NRXN1: variants seen among roughly 807,000 people sequenced by gnomAD.
NRXN1 encodes neurexin-1.
NRXN1 carries 39 observed loss-of-function variants against 150.9 expected under a neutral mutation model. The observed-to-expected ratio is 0.26, with a 90% CI of 0.20 to 0.34. The LOEUF is 0.34. Among genes scored for constraint, NRXN1 ranks in the 10% least tolerant of loss-of-function variants. The pLI is 1.00. For missense variants in NRXN1, 1,815 were observed against 1,949.9 expected, an observed-to-expected ratio of 0.93 and a Z score of 1.30; for synonymous variants, 924 against 757.0, an observed-to-expected ratio of 1.22 and a Z score of -3.62.
At chr2:50,453,592 A>G (rs897481784) in intron 17 of NRXN1, among the ~76,000 whole-genome samples, 1 of 152,186 alleles carries the variant, frequency 6.6e-6, no homozygotes, top group South Asian at 2.1e-4. Context: ...ACGCAAACTA[A>G]GTCTCTTGTT....
chr2:50,116,724 C>G (rs1188591608), intron 18 of NRXN1, among the ~76,000 whole-genome samples: 1 of 152,042 alleles, frequency 6.6e-6, no homozygotes, highest in African/African-American at 2.4e-5. Context: ...GTGACACTGT[C>G]AATTTAAAAC....
At chr2:50,313,079 G>A (rs1372756278) in intron 17 of NRXN1, among the ~76,000 whole-genome samples, 1 of 152,042 alleles carries the variant, frequency 6.6e-6, no homozygotes, top group Non-Finnish European at 1.5e-5. Flanking sequence ...ATCAAGAAGA[G>A]AGTGATATTT....
At chr2:50,852,943 G>A (rs1411401258) in intron 5 of NRXN1, among the ~76,000 whole-genome samples, 1 of 152,066 alleles carries the variant, frequency 6.6e-6, no homozygotes, top group Non-Finnish European at 1.5e-5. Flanking sequence ...AAAATATTGT[G>A]CTAAGAAGCA....
intron 5 of NRXN1, among the ~76,000 whole-genome samples, chr2:50,718,281 G>A (rs1477680490): frequency 6.6e-6 from 1 of 152,082 alleles, no homozygotes; most frequent in Non-Finnish European, 1.5e-5. Flanking sequence ...ATAAGTGCAT[G>A]AGTATGGGAG....
intron 5 of NRXN1, among the ~76,000 whole-genome samples, chr2:50,804,159 T>G (rs1667213478): frequency 6.6e-6 from 1 of 152,156 alleles, no homozygotes; most frequent in South Asian, 2.1e-4. Context: ...TAGACATGAT[T>G]ACCAATTATA....
chr2:50,038,582 C>T (rs1294968448), intron 21 of NRXN1, among the ~76,000 whole-genome samples: 2 of 152,166 alleles, frequency 1.3e-5, no homozygotes, highest in Non-Finnish European at 2.9e-5. Flanking sequence ...GAGCCACAGG[C>T]ACCCAGCTAA....
chr2:49,921,830 A>G lies in NRXN1; in HGVS notation c.*114T>C. 9.7e-7 allele frequency: 1 copy of G among 1,034,100 alleles called. No homozygotes were observed. The highest frequency in any genetic ancestry group is 1.4e-6 in the Non-Finnish European group (1 of 706,674). The allele number at this position is 1,034,100 out of a possible 1,614,324, so 64.1% of individuals were successfully genotyped here. ...TAAAAAGTCTTTCCTTCCTGATTGC[A>G]TTCCCTGTCTTCTTTTGTATGTGCT... On this transcript the variant is annotated 3_prime_UTR_variant, in exon 23 of 23. Coordinates refer to ENST00000401669, the MANE Select transcript of NRXN1 (RefSeq NM_001330078.2).
intron 5 of NRXN1, among the ~76,000 whole-genome samples, chr2:50,638,369 T>C (rs1324045560): frequency 6.6e-6 from 1 of 152,168 alleles, no homozygotes; most frequent in African/African-American, 2.4e-5. Context: ...ATGGGCCTTC[T>C]CTCACCTTAT....
intron 15 of NRXN1, among the ~76,000 whole-genome samples, chr2:50,482,502 A>C (rs909528404): frequency 3.3e-5 from 5 of 151,848 alleles, no homozygotes; most frequent in Admixed American, 3.3e-4. Flanking sequence ...TCCATGTTTC[A>C]TTTTTTTTAC....
At chr2:50,239,283 A>ATT (rs2065765789) in intron 17 of NRXN1, among the ~76,000 whole-genome samples, 1 of 151,792 alleles carries the variant, frequency 6.6e-6, no homozygotes, top group Admixed American at 6.6e-5. Flanking sequence ...CTGATACTTA[A>ATT]TAATTAATTT....
At chr2:50,278,020 G>T (rs1210381861) in intron 17 of NRXN1, among the ~76,000 whole-genome samples, 1 of 147,898 alleles carries the variant, frequency 6.8e-6, no homozygotes, top group Non-Finnish European at 1.5e-5. Context: ...ATTGGCCAAA[G>T]ACATTGACCA....
intron 5 of NRXN1, among the ~76,000 whole-genome samples, chr2:50,736,501 T>A (rs1284902225): frequency 6.6e-6 from 1 of 152,102 alleles, no homozygotes; most frequent in African/African-American, 2.4e-5. Flanking sequence ...GAATTGCAGC[T>A]CCCATAATTC....
At chr2:50,252,194 T>A (rs1413979587) in intron 17 of NRXN1, among the ~76,000 whole-genome samples, 1 of 125,732 alleles carries the variant, frequency 8.0e-6, no homozygotes, top group Non-Finnish European at 1.7e-5. Context: ...TTTTTTTTTT[T>A]AACTTTTTTA....
chr2:50,352,776 T>TAATAATA (rs1478736717), intron 17 of NRXN1, among the ~76,000 whole-genome samples: 4 of 84,028 alleles, frequency 4.8e-5, no homozygotes, highest in South Asian at 4.8e-4. Context: ...ATAATAATAA[T>TAATAATA]ATTATAATAA....
Position 50,481,869 on chromosome 2 carries a change from T to C in NRXN1, c.3071-9398A>G, listed in dbSNP as rs369830277. 3.2e-4 allele frequency among the ~76,000 whole-genome samples: 42 copies of C among 131,618 alleles called. 4 individuals are homozygous for C. Among genetic ancestry groups the C allele is most frequent in the African/African-American group, 1.1e-3 (30 of 28,464 alleles). 86.3% of individuals were successfully genotyped at this position (131,618 alleles called of 152,430 possible). A position where few individuals can be genotyped will look rare whatever the true frequency, so the allele number is the denominator to read the frequency against. On this transcript the variant is annotated intron_variant, in intron 15 of 22. Transcript: ENST00000401669. The stretch of plus-strand genomic sequence containing the variant: ...CAAGCTCCGCCTCCCGGGTTCACGC[T>C]ATTCTCCTGCCTCAGCCTCCCAAGT...
chr2:50,968,256 GT>G (rs1343915604), intron 2 of NRXN1, among the ~76,000 whole-genome samples: 1 of 151,912 alleles, frequency 6.6e-6, no homozygotes, highest in Non-Finnish European at 1.5e-5. Context: ...ACATCTCAAA[GT>G]TTTATATAAT....
intron 12 of NRXN1, among the ~76,000 whole-genome samples, chr2:50,514,572 C>T (rs976249520): frequency 2.0e-5 from 3 of 152,166 alleles, no homozygotes; most frequent in African/African-American, 7.2e-5. Flanking sequence ...CTGTAAAGGG[C>T]CAGACAGTAA....
intron 5 of NRXN1, among the ~76,000 whole-genome samples, chr2:50,794,686 TC>T (rs1272407983): frequency 6.6e-6 from 1 of 152,134 alleles, no homozygotes; most frequent in African/African-American, 2.4e-5. Flanking sequence ...CTCATCTACC[TC>T]AGTGTATTTA....
At chr2:50,499,735 G>A (rs2104938202) in intron 13 of NRXN1, among the ~76,000 whole-genome samples, 1 of 152,042 alleles carries the variant, frequency 6.6e-6, no homozygotes, top group South Asian at 2.1e-4. Context: ...ATCACCTGAG[G>A]TCAGGAGTTT....
Sources: allele counts gnomAD v4.1 joint callset (sites outside exome capture counted in the v4.1 genomes callset), GRCh38; gene constraint gnomAD v4.1.1; transcripts MANE v1.5; gene names NCBI Gene and HGNC (gene_info 2026-07-23, HGNC 2026-07-21).